Variants in NSMF observed in about 807,000 individuals in gnomAD.
NSMF encodes the protein nasal embryonic LHRH factor.
Under a neutral mutation model 71.0 loss-of-function variants are expected in NSMF, and 31 were observed. The observed-to-expected ratio is 0.44, with a 90% confidence interval of 0.33 to 0.59. NSMF has a LOEUF of 0.59. Ranked by LOEUF, NSMF falls within the 20% of genes least tolerant of loss-of-function variation. NSMF has a pLI of 0.04. For missense variants in NSMF, 673 were observed against 740.5 expected (o/e 0.91, Z 1.06); for synonymous variants, 345 against 287.1 (o/e 1.20, Z -2.04).
rs1237479578 is a variant in NSMF, at chr9:137,459,309, G to A, written c.-207C>T. On this transcript the variant is annotated 5_prime_UTR_variant, in exon 1 of 16. Transcript: ENST00000371475. ...CACCCGGCGCTCCGCGCGTGCCGCC[G>A]CTCCCGGGAGAGCGCTGCCCGAACC... is the stretch of plus-strand genomic sequence containing the variant. 4 of 182,566 alleles carry A rather than the reference G, an allele frequency of 2.2e-5. No individual in the cohort carries two copies. The highest frequency in any genetic ancestry group is 4.2e-5 in the Non-Finnish European group (4 of 94,650). 11.3% of individuals were successfully genotyped at this position (182,566 alleles called of 1,614,324 possible).
chr9:137,457,193 G>C (rs1830878288), intron 3 of NSMF, among the ~76,000 whole-genome samples: 1 of 152,164 alleles, frequency 6.6e-6, no homozygotes, highest in Admixed American at 6.5e-5. Flanking sequence ...GGACTGTGAG[G>C]CCTGGCAGAT....
At chr9:137,452,670 CG>C (rs1830597109) in intron 10 of NSMF, 65 bp downstream of exon 10, 1 of 1,601,070 alleles carries the variant, frequency 6.2e-7, no homozygotes, top group Non-Finnish European at 8.5e-7. Flanking sequence ...CCTGGGGTGC[CG>C]GCGCTGGCCC....
chr9:137,449,759 C>CT, intron 14 of NSMF, 85 bp from the exon 15 acceptor site: 5 of 1,373,400 alleles, frequency 3.6e-6, no homozygotes, highest in South Asian at 2.4e-5. Flanking sequence ...GGCCCACCCT[C>CT]TTTTTTCAGA....
At chr9:137,452,885 C>A in intron 9 of NSMF, 66 bp from the exon 10 acceptor site, 1 of 1,545,060 alleles carries the variant, frequency 6.5e-7, no homozygotes, top group East Asian at 2.3e-5. Flanking sequence ...TGTGGGAGCC[C>A]CCATGAGGCT....
At chr9:137,457,965 A>G in intron 2 of NSMF, 64 bp from the exon 3 acceptor site, 1 of 1,533,988 alleles carries the variant, frequency 6.5e-7, no homozygotes, top group Non-Finnish European at 8.7e-7. Context: ...GTTTCATAGC[A>G]GGCCGAAGGC....
At chr9:137,452,635 C>G (rs753906334) in intron 10 of NSMF, 49 bp from the exon 11 acceptor site, 1 of 1,611,508 alleles carries the variant, frequency 6.2e-7, no homozygotes, top group East Asian at 2.2e-5. Context: ...GCGTCAGAGC[C>G]AGCAGCGCCA....
At position 137,447,945 on chromosome 9, in the gene NSMF, C is replaced by G. The variant is rs1839684065; in HGVS notation, c.*1449G>C. The G allele has an allele frequency of 6.6e-6, 1 of 152,244 alleles. No homozygotes were observed. The highest frequency in any genetic ancestry group is 6.5e-5 in the Admixed American group (1 of 15,280). 9.4% of individuals were successfully genotyped at this position (152,244 alleles called of 1,614,324 possible). On this transcript the variant is annotated 3_prime_UTR_variant, in exon 16 of 16. Coordinates refer to ENST00000371475, the MANE Select transcript of NSMF (RefSeq NM_001130969.3). Reference sequence around the variant, plus strand: ...GGGACATACAGCCCTCTCCCTGGTGCCCTCAGGCGGCAGGGGGAACGGGCT... The same window carrying G: ...GGGACATACAGCCCTCTCCCTGGTGGCCTCAGGCGGCAGGGGGAACGGGCT...
Position 137,450,223 on chromosome 9 carries a change from G to A in NSMF, c.1269C>T (p.Asn423=), listed in dbSNP as rs775746575. Residue 423 remains asparagine, a synonymous_variant, in exon 13 of 16, where the codon AAC becomes AAT. Transcript: ENST00000371475. ...CCACTTTGGCAAAGGTGGCCACCTT[G>A]TTCTTGAGGAGATAGAGGTGTCCAG... ...GGPGHLYLLK[N]KVATFAKVEK... is the part of the protein sequence containing the mutation. The A allele has an allele frequency of 1.2e-6, 2 of 1,613,394 alleles. No homozygotes were observed. The highest frequency in any genetic ancestry group is 2.2e-5 in the East Asian group (1 of 44,894).
rs1257704017 is a variant in NSMF at position 137,455,113 on chromosome 9, G to A, written c.779+126C>T. 9 of 1,051,584 alleles carry A rather than the reference G, an allele frequency of 8.6e-6. No individual in the cohort carries two copies. In the Admixed American group the frequency reaches 1.4e-4, roughly 16 times the overall value. The allele number at this position is 1,051,584 out of a possible 1,614,324, so 65.1% of individuals were successfully genotyped here. A position where few individuals can be genotyped will look rare whatever the true frequency, so the allele number is the denominator to read the frequency against. On this transcript the variant is annotated intron_variant, in intron 6 of 15. Transcript: ENST00000371475. ...GCCTCTCCTGCCTGCCACGTCCCCA[G>A]AGCAGGGCCAGGCCAGTGGTCGCCA...
chr9:137,452,371 G>T lies in NSMF; in HGVS notation c.1230C>A (p.Phe410Leu). 1 of 1,611,666 alleles carries T rather than the reference G, an allele frequency of 6.2e-7. No individual in the cohort carries two copies. The change falls in exon 12 of 16, where the codon TTC (phenylalanine) becomes TTA (leucine). Residue 410 changes from phenylalanine to leucine, a missense_variant. Physicochemically the swap from Phe to Leu is conservative, Grantham distance 22 (BLOSUM62 0). Transcript: ENST00000371475. ...GACGAGCACTGAGCCCCACCTGGCA[G>T]AAAATCAGCATTTTCCAGATCTTGG... ...KGAKIWKMLI[F>L]CQGGPGHLYL...
intron 2 of NSMF, among the ~76,000 whole-genome samples, chr9:137,458,144 C>G (rs1214270119): frequency 2.0e-5 from 3 of 152,310 alleles, no homozygotes; most frequent in Admixed American, 1.3e-4. Context: ...CGGGTAGGAA[C>G]ACGCAGGCCA....
chr9:137,452,217 TTGGTCTCCCCCA>T, intron 12 of NSMF, 136 bp downstream of exon 12: 1 of 147,622 alleles, frequency 6.8e-6, no homozygotes, highest in East Asian at 1.9e-4. Flanking sequence ...CCTCTTCCCC[TTGGTCTCCCCCA>T]CAAACACCTC....
chr9:137,459,228 G>A lies in NSMF; in HGVS notation c.-126C>T. The A allele has an allele frequency of 1.5e-6, 1 of 663,308 alleles. No homozygotes were observed. The highest frequency in any genetic ancestry group is 1.9e-6 in the Non-Finnish European group (1 of 522,422). 41.1% of individuals were successfully genotyped at this position (663,308 alleles called of 1,614,324 possible). A position where few individuals can be genotyped will look rare whatever the true frequency, so the allele number is the denominator to read the frequency against. On this transcript the variant is annotated 5_prime_UTR_variant, in exon 1 of 16. Transcript: ENST00000371475. ...GGCTCGGGGTCTCGCTCGGGCTCCGGCTCGGGCTTGGGCTCGGGGTCGGGC... is the reference window on the plus strand; with the variant it reads ...GGCTCGGGGTCTCGCTCGGGCTCCGACTCGGGCTTGGGCTCGGGGTCGGGC...
At chr9:137,458,904 G>T in intron 1 of NSMF, 128 bp downstream of exon 1, 1 of 708,054 alleles carries the variant, frequency 1.4e-6, no homozygotes, top group Non-Finnish European at 2.1e-6. Flanking sequence ...GGCGCGGGGC[G>T]CGGGGAGGGC....
chr9:137,457,935 G>C, intron 2 of NSMF, 34 bp from the exon 3 acceptor site: 2 of 1,536,782 alleles, frequency 1.3e-6, no homozygotes, highest in Non-Finnish European at 1.7e-6. Context: ...TGCCTGCCGC[G>C]TGTGGGCCCC....
intron 6 of NSMF, 29 bp downstream of exon 6, chr9:137,455,210 C>G: frequency 6.2e-7 from 1 of 1,607,022 alleles, no homozygotes; most frequent in Non-Finnish European, 8.5e-7. Context: ...AGAGATGGAC[C>G]CTGGTGGCGA....
intron 1 of NSMF, 107 bp from the exon 2 acceptor site, chr9:137,458,656 GAA>G: frequency 8.8e-7 from 1 of 1,132,824 alleles, no homozygotes. Context: ...TCGGCGTCTG[GAA>G]GGAGGGTCGG....
chr9:137,458,866 G>A (rs1164689340), intron 1 of NSMF, among the ~76,000 whole-genome samples, 166 bp downstream of exon 1: 1 of 152,120 alleles, frequency 6.6e-6, no homozygotes, highest in Non-Finnish European at 1.5e-5. Context: ...GGGGAGGGAA[G>A]AGCAGGGCAG....
chr9:137,455,299 C>T lies in NSMF; in HGVS notation c.719G>A (p.Arg240Lys), dbSNP rs1268869823. 2 of 1,612,658 alleles carry T rather than the reference C, an allele frequency of 1.2e-6. No homozygotes were observed. The highest frequency in any genetic ancestry group is 1.3e-5 in the African/African-American group (1 of 74,938). The part of the protein sequence containing the change: ...TTTMQAISVF[R>K]GYAERKRRKR... ...CCGGCGCTTCCTCTCCGCGTAGCCCCTGAACACCCTGGGAAACCACCGCGA... is the reference window on the plus strand; with the variant it reads ...CCGGCGCTTCCTCTCCGCGTAGCCCTTGAACACCCTGGGAAACCACCGCGA... The change falls in exon 6 of 16, where the codon AGG (arginine) becomes AAG (lysine). Residue 240 changes from arginine to lysine, a missense_variant. Physicochemically the swap from Arg to Lys is conservative, Grantham distance 26. This residue lies in a region of NSMF where 471 missense variants were observed against 459.6 expected (regional missense o/e 1.02). Transcript: ENST00000371475.
Sources: gnomAD v4.1 joint callset for allele counts (sites outside exome capture counted in the v4.1 genomes callset) on GRCh38, gnomAD v4.1.1 for gene constraint, gnomAD v4.1.1 regional missense constraint, MANE v1.5 for transcripts, NCBI Gene and HGNC (gene_info 2026-07-23, HGNC 2026-07-21) for gene names.